The following INPP4B variants were observed in gnomAD, a reference collection of about 807,000 sequenced individuals.
INPP4B encodes inositol polyphosphate 4-phosphatase type II.
A neutral mutation model predicts 122.5 loss-of-function variants in INPP4B; 55 were observed. The observed-to-expected ratio is 0.45, with a 90% confidence interval of 0.36 to 0.56. The LOEUF (loss-of-function observed/expected upper bound fraction) is 0.56, where lower values mean the gene tolerates loss of function less well. INPP4B is among the 20% of genes least tolerant of loss of function. INPP4B has a pLI of 0.00. For missense variants in INPP4B, 1,000 were observed against 1,097.7 expected, an observed-to-expected ratio of 0.91 and a Z score of 1.26; for synonymous variants, 403 against 388.7, an observed-to-expected ratio of 1.04 and a Z score of -0.43.
Position 142,781,962 on chromosome 4 carries a change from TA to T in INPP4B, c.-253-56062del, listed in dbSNP as rs1168422084. ...TCTAACTTTTGTCTTGCTAACCTTT[TA>T]TTTTTTTTATTTTTTAATTTATTTT... On this transcript the variant is annotated intron_variant, in intron 1 of 25. Coordinates refer to ENST00000262992, the MANE Select transcript of INPP4B (RefSeq NM_001101669.3). 3.3e-5 allele frequency among the ~76,000 whole-genome samples: 5 copies of T among 149,968 alleles called. 1 individual carries two copies. Among genetic ancestry groups the T allele is most frequent in the Admixed American group, 1.3e-4 (2 of 15,124 alleles).
chr4:142,776,448 T>C (rs1773932092), intron 1 of INPP4B, among the ~76,000 whole-genome samples: 1 of 152,084 alleles, frequency 6.6e-6, no homozygotes, highest in African/African-American at 2.4e-5. Flanking sequence ...ATTGAGGATA[T>C]AGTGGGAAGC....
chr4:142,607,860 A>G (rs13120964), intron 2 of INPP4B, among the ~76,000 whole-genome samples: 130,495 of 152,064 alleles, frequency 0.86, 56,022 homozygotes, highest in African/African-American at 0.9. Flanking sequence ...TTCCACTATT[A>G]CCCTTAATTC....
intron 2 of INPP4B, among the ~76,000 whole-genome samples, chr4:142,507,557 G>T (rs1395678875): frequency 6.6e-6 from 1 of 151,800 alleles, no homozygotes; most frequent in Non-Finnish European, 1.5e-5. Context: ...TCAGGCCTTG[G>T]AAATGAAAGA....
Position 142,041,589 on chromosome 4 carries a change from G to C in INPP4B, c.2643-12675C>G, listed in dbSNP as rs186333841. Among the ~76,000 whole-genome samples, 19 of 152,212 alleles carry C rather than the reference G, an allele frequency of 1.2e-4. No homozygotes were observed. In the East Asian group the frequency reaches 3.7e-3, roughly 29 times the overall value. On this transcript the variant is annotated intron_variant, in intron 25 of 25. Coordinates refer to ENST00000262992, the MANE Select transcript of INPP4B (RefSeq NM_001101669.3). ...GCCGAGATCAGGTCATTGCACTCCAGCCTGGGCAACAAGAGCAAAACTCCA... is the reference window on the plus strand; with the variant it reads ...GCCGAGATCAGGTCATTGCACTCCACCCTGGGCAACAAGAGCAAAACTCCA...
At chr4:142,180,697 T>C (rs1343564065) in intron 15 of INPP4B, among the ~76,000 whole-genome samples, 11 of 152,210 alleles carry the variant, frequency 7.2e-5, no homozygotes, top group African/African-American at 2.7e-4. Flanking sequence ...TTACACAGTT[T>C]GAACTCCTAA....
At chr4:142,491,473 G>A (rs943901650) in intron 2 of INPP4B, among the ~76,000 whole-genome samples, 1 of 152,062 alleles carries the variant, frequency 6.6e-6, no homozygotes, top group Admixed American at 6.6e-5. Flanking sequence ...GACCAACATG[G>A]TGAAATCCCG....
intron 7 of INPP4B, among the ~76,000 whole-genome samples, chr4:142,358,391 T>C (rs1784308860): frequency 6.6e-6 from 1 of 151,884 alleles, no homozygotes. Context: ...GGACCAGCCA[T>C]GTCTGCCTCA....
At chr4:142,537,368 C>T (rs79970250) in intron 2 of INPP4B, among the ~76,000 whole-genome samples, 16 of 114,366 alleles carry the variant, frequency 1.4e-4, no homozygotes, top group Non-Finnish European at 2.1e-4. Context: ...AGAAAAAAAA[C>T]CAGTTATCAG....
At chr4:142,128,117 T>C (rs56156331) in intron 18 of INPP4B, among the ~76,000 whole-genome samples, 18,973 of 152,020 alleles carry the variant, frequency 0.12, 1,336 homozygotes, top group East Asian at 0.23. Context: ...CTCACCTTTA[T>C]GTCTCTCTAT....
rs186439561 is a variant in INPP4B, at chr4:142,788,442, T to C, written c.-254+57767A>G. ...TAACATGTGAATGGTCTTTAAGATA[T>C]TAGAGAAACTAGAAACGTTTTTATT... is the stretch of plus-strand genomic sequence containing the variant. On this transcript the variant is annotated intron_variant, in intron 1 of 25. Coordinates refer to ENST00000262992, the MANE Select transcript of INPP4B (RefSeq NM_001101669.3). 2.0e-5 allele frequency among the ~76,000 whole-genome samples: 3 copies of C among 152,214 alleles called. No homozygotes were observed. In the East Asian group the frequency reaches 5.8e-4, roughly 29 times the overall value.
intron 9 of INPP4B, among the ~76,000 whole-genome samples, chr4:142,272,405 T>TA (rs751532201): frequency 4.6e-5 from 7 of 151,894 alleles, no homozygotes; most frequent in African/African-American, 1.4e-4. Context: ...TGCAATAAAA[T>TA]AAAAAAATTA....
intron 1 of INPP4B, among the ~76,000 whole-genome samples, chr4:142,787,877 G>A (rs1006180413): frequency 2.6e-5 from 4 of 151,740 alleles, no homozygotes; most frequent in South Asian, 4.2e-4. Context: ...GTGTAGACTT[G>A]AGGAATCAGA....
intron 25 of INPP4B, among the ~76,000 whole-genome samples, chr4:142,041,892 G>A (rs949359618): frequency 6.6e-6 from 1 of 152,110 alleles, no homozygotes; most frequent in African/African-American, 2.4e-5. Context: ...GACATGTTAG[G>A]TAACAAGGCT....
At chr4:142,806,770 AGAAAGAAAGAAAGAAGG>A (rs1778820827) in intron 1 of INPP4B, among the ~76,000 whole-genome samples, 2 of 86,950 alleles carry the variant, frequency 2.3e-5, no homozygotes, top group African/African-American at 4.3e-5. Flanking sequence ...GAAAGAAGAA[AGAAAGAAAGAAAGAAGG>A]AAAGAAAGAA....
At chr4:142,320,910 T>C (rs569603776) in intron 7 of INPP4B, among the ~76,000 whole-genome samples, 6 of 152,356 alleles carry the variant, frequency 3.9e-5, no homozygotes, top group Admixed American at 3.9e-4. Context: ...TTTGCAATTA[T>C]GAATTCTGCA....
chr4:142,587,350 T>C (rs1387226036), intron 2 of INPP4B, among the ~76,000 whole-genome samples: 1 of 152,208 alleles, frequency 6.6e-6, no homozygotes, highest in Non-Finnish European at 1.5e-5. Flanking sequence ...ACCTGGGTTG[T>C]AGTGATTTTA....
chr4:142,676,643 A>G (rs1757830927), intron 2 of INPP4B, among the ~76,000 whole-genome samples: 1 of 152,216 alleles, frequency 6.6e-6, no homozygotes, highest in Non-Finnish European at 1.5e-5. Flanking sequence ...CTAAACAGAT[A>G]TATAGACCAA....
intron 2 of INPP4B, among the ~76,000 whole-genome samples, chr4:142,616,836 A>AC (rs1312549972): frequency 1.3e-5 from 2 of 152,170 alleles, no homozygotes; most frequent in African/African-American, 4.8e-5. Flanking sequence ...TGACTCAGAA[A>AC]CAGAGAGCCA....
chr4:142,086,507 C>G (rs1359562576), intron 23 of INPP4B, among the ~76,000 whole-genome samples: 1 of 152,090 alleles, frequency 6.6e-6, no homozygotes, highest in African/African-American at 2.4e-5. Flanking sequence ...GAGCACATCA[C>G]CATGCCCAGC....
Sources: gnomAD v4.1 joint callset for allele counts (sites outside exome capture counted in the v4.1 genomes callset) on GRCh38, gnomAD v4.1.1 for gene constraint, MANE v1.5 for transcripts, NCBI Gene and HGNC (gene_info 2026-07-23, HGNC 2026-07-21) for gene names.